DNAJB4: variants seen among roughly 807,000 people sequenced by gnomAD.
The protein encoded by DNAJB4 is DnaJ heat shock protein family (Hsp40) member B4, also known as dnaJ homolog subfamily B member 4.
DNAJB4 carries 10 observed loss-of-function variants against 26.6 expected under a neutral mutation model. That is an observed-to-expected ratio of 0.38 (90% CI 0.23 to 0.64). The LOEUF is 0.64. Ranked by LOEUF, DNAJB4 falls within the 30% of genes least tolerant of loss-of-function variation. The pLI is 0.58. For synonymous variants in DNAJB4, 136 were observed against 134.8 expected, an observed-to-expected ratio of 1.01 and a Z score of -0.06; for missense variants, 328 against 408.2, an observed-to-expected ratio of 0.80 and a Z score of 1.69.
chr1:78,007,198 G>C (rs1355416105), intron 1 of DNAJB4, among the ~76,000 whole-genome samples: 3 of 151,880 alleles, frequency 2.0e-5, no homozygotes, highest in African/African-American at 7.3e-5. Context: ...ATAAGTGATA[G>C]AAGGAAAGAG....
chr1:78,014,963 A>G (rs902498217), intron 2 of DNAJB4, among the ~76,000 whole-genome samples: 1 of 152,090 alleles, frequency 6.6e-6, no homozygotes, highest in Non-Finnish European at 1.5e-5. Context: ...ATTGTTTCTT[A>G]CCCTGCTCTA....
At position 78,016,004 on chromosome 1, in the gene DNAJB4, T is replaced by A. The variant is rs771681679; in HGVS notation, c.781-10T>A. On this transcript the variant is annotated splice_polypyrimidine_tract_variant and intron_variant, in intron 2 of 2. Coordinates refer to ENST00000370763, the MANE Select transcript of DNAJB4 (RefSeq NM_007034.5). The stretch of plus-strand genomic sequence containing the variant: ...AGTGTTTTCATTTTATTTTATTTGG[T>A]CCATTTTAGGCATTGTGTGGCTGCT... 17 of 1,607,960 alleles carry A rather than the reference T, an allele frequency of 1.1e-5. No individual in the cohort carries two copies. The highest frequency in any genetic ancestry group is 1.4e-5 in the Non-Finnish European group (17 of 1,176,684).
intron 1 of DNAJB4, among the ~76,000 whole-genome samples, chr1:77,994,265 G>T (rs1660007412): frequency 6.6e-6 from 1 of 151,932 alleles, no homozygotes; most frequent in African/African-American, 2.4e-5. Context: ...AGACATGGTG[G>T]CACATGCCTG....
At chr1:77,981,344 AC>A (rs1383782358) in intron 1 of DNAJB4, 2 of 147,438 alleles carry the variant, frequency 1.4e-5, no homozygotes, top group African/African-American at 5.0e-5. Flanking sequence ...TTTGAGACGG[AC>A]TCACCCTGTC....
intron 1 of DNAJB4, among the ~76,000 whole-genome samples, chr1:77,984,412 C>G (rs1293810860): frequency 2.0e-5 from 3 of 152,194 alleles, no homozygotes; most frequent in Admixed American, 2.0e-4. Context: ...GTACGTGGAC[C>G]TACTGAATCA....
At position 78,016,019 on chromosome 1, in the gene DNAJB4, G is replaced by T; in HGVS notation, c.786G>T (p.Leu262Phe). 6.2e-7 allele frequency: 1 copy of T among 1,613,534 alleles called. No homozygotes were observed. The highest frequency in any genetic ancestry group is 8.5e-7 in the Non-Finnish European group (1 of 1,179,738). The change falls in exon 3 of 3, where the codon TTG (leucine) becomes TTT (phenylalanine). Residue 262 changes from leucine to phenylalanine, a missense_variant. Coordinates refer to ENST00000370763, the MANE Select transcript of DNAJB4 (RefSeq NM_007034.5). ...YTAKISLREALCGCSINVPTL... is the reference protein window; with the variant it reads ...YTAKISLREAFCGCSINVPTL... ...TTTTATTTGGTCCATTTTAGGCATT[G>T]TGTGGCTGCTCAATTAATGTACCAA...
At chr1:77,991,064 TTGGGCTTCACAGAAGCCCA>T (rs2102592331) in intron 1 of DNAJB4, among the ~76,000 whole-genome samples, 1 of 152,270 alleles carries the variant, frequency 6.6e-6, no homozygotes, top group African/African-American at 2.4e-5. Context: ...TAACCCAAGT[TTGGGCTTCACAGAAGCCCA>T]TCTACAGGGT....
chr1:77,993,345 C>T (rs796860597), intron 1 of DNAJB4, among the ~76,000 whole-genome samples: 11 of 152,008 alleles, frequency 7.2e-5, no homozygotes, highest in African/African-American at 2.7e-4. Flanking sequence ...GATCGAGTCT[C>T]GCTCTGTCAC....
upstream of DNAJB4, chr1:78,004,754 GAATAGTT>G: frequency 4.8e-6 from 1 of 210,144 alleles, no homozygotes; most frequent in Non-Finnish European, 9.6e-6. Flanking sequence ...GTCGGAAAAT[GAATAGTT>G]AATCGTGGAG....
intron 1 of DNAJB4, among the ~76,000 whole-genome samples, chr1:77,987,530 GC>G (rs1453140380): frequency 6.6e-6 from 1 of 152,132 alleles, no homozygotes; most frequent in African/African-American, 2.4e-5. Context: ...CTCCCAAAGT[GC>G]TGAGTTTGAG....
At chr1:77,983,188 T>A in intron 1 of DNAJB4, among the ~76,000 whole-genome samples, 1 of 152,256 alleles carries the variant, frequency 6.6e-6, no homozygotes, top group East Asian at 1.9e-4. Context: ...CATTTAGATA[T>A]GCATACACAT....
intron 1 of DNAJB4, among the ~76,000 whole-genome samples, chr1:77,989,898 C>T (rs528142934): frequency 3.9e-5 from 6 of 152,316 alleles, no homozygotes; most frequent in African/African-American, 1.4e-4. Context: ...AAACAGGATG[C>T]AGTGCTGGGG....
rs184496957 is a variant in DNAJB4, at chr1:77,982,087, C to T, written c.-32+1765C>T. 5.3e-5 allele frequency among the ~76,000 whole-genome samples: 8 copies of T among 152,250 alleles called. No individual in the cohort carries two copies. The East Asian group carries it at 9.6e-4, about 18-fold the overall frequency. On this transcript the variant is annotated intron_variant, in intron 1 of 2. Coordinates refer to the DNAJB4 transcript ENST00000426517. ...GTCTTAAATAACTGGCCTTATCATC[C>T]GGTTCTTAAGTGAGTTTAGCTTATT...
upstream of DNAJB4, among the ~76,000 whole-genome samples, chr1:78,000,206 C>T (rs574403520): frequency 6.6e-6 from 1 of 152,090 alleles, no homozygotes; most frequent in South Asian, 2.1e-4. Context: ...TAGTAATTTT[C>T]CTGGAAAAAA....
chr1:77,988,024 T>G (rs1455383100), intron 1 of DNAJB4, among the ~76,000 whole-genome samples: 2 of 138,406 alleles, frequency 1.4e-5, no homozygotes, highest in African/African-American at 5.7e-5. Flanking sequence ...TATGTGTGTG[T>G]GTGTATTTCC....
At chr1:77,982,232 C>G (rs776818080) in intron 1 of DNAJB4, among the ~76,000 whole-genome samples, 2 of 152,182 alleles carry the variant, frequency 1.3e-5, no homozygotes, top group Non-Finnish European at 2.9e-5. Context: ...CAAACAGCTA[C>G]CTACAAAACT....
At chr1:77,979,313 C>G, upstream of DNAJB4, 1 of 350,294 alleles carries the variant, frequency 2.9e-6, no homozygotes, top group Non-Finnish European at 5.3e-6. Context: ...GGTAATTGTT[C>G]CTGCAGGGTG....
upstream of DNAJB4, among the ~76,000 whole-genome samples, chr1:78,000,775 A>T (rs1320965613): frequency 6.6e-6 from 1 of 152,070 alleles, no homozygotes; most frequent in Non-Finnish European, 1.5e-5. Flanking sequence ...CGAGGTCAAG[A>T]GTTCAAGACC....
intron 1 of DNAJB4, among the ~76,000 whole-genome samples, chr1:78,012,075 T>TA (rs1183137233): frequency 6.7e-6 from 1 of 148,876 alleles, no homozygotes; most frequent in Non-Finnish European, 1.5e-5. Flanking sequence ...TATAAGTAGA[T>TA]ACTTATATAA....
Sources: gnomAD v4.1 joint callset for allele counts (sites outside exome capture counted in the v4.1 genomes callset) on GRCh38, gnomAD v4.1.1 for gene constraint, MANE v1.5 for transcripts, NCBI Gene and HGNC (gene_info 2026-07-23, HGNC 2026-07-21) for gene names.